The following EXOC2 variants were observed in gnomAD, a reference collection of about 807,000 sequenced individuals.
The protein encoded by EXOC2 is exocyst complex component 2.
A neutral mutation model predicts 131.8 loss-of-function variants in EXOC2; 70 were observed. The observed-to-expected ratio is 0.53, with a 90% CI of 0.44 to 0.65. The LOEUF is 0.65. EXOC2 is among the 30% of genes least tolerant of loss of function. The pLI is 0.00. For synonymous variants in EXOC2, 411 were observed against 398.4 expected (o/e 1.03, Z -0.38); for missense variants, 923 against 1,108.6 (o/e 0.83, Z 2.38).
chr6:614,375 T>C (rs1747586), intron 6 of EXOC2, among the ~76,000 whole-genome samples: 18 of 152,206 alleles, frequency 1.2e-4, no homozygotes, highest in African/African-American at 4.1e-4. Flanking sequence ...CATGTGTGTG[T>C]CACGGACTGT....
intron 21 of EXOC2, among the ~76,000 whole-genome samples, chr6:551,518 C>G (rs1394429054): frequency 6.6e-6 from 1 of 152,236 alleles, no homozygotes; most frequent in Non-Finnish European, 1.5e-5. Flanking sequence ...TGTGAGTCAG[C>G]TGAGAGCTGC....
rs543681271 is a variant in EXOC2, at chr6:691,495, AAAG to A, written c.-44+1521_-44+1523del. The stretch of plus-strand genomic sequence containing the variant: ...CCTTCATGATTCTCCACTTTCATTT[AAAG>A]AAGAGTAAATACATTTGTTGTGATT... On this transcript the variant is annotated intron_variant, in intron 1 of 27. Coordinates refer to ENST00000230449, the MANE Select transcript of EXOC2 (RefSeq NM_018303.6). Among the ~76,000 whole-genome samples the A allele has an allele frequency of 3.6e-3, 544 of 152,328 alleles. 1 individual carries two copies. Among genetic ancestry groups the A allele is most frequent in the Non-Finnish European group, 6.2e-3 (423 of 68,008 alleles).
Position 501,627 on chromosome 6 carries a change from A to ATC in EXOC2, c.2381-1929_2381-1928dup, listed in dbSNP as rs1270565701. Reference sequence around the variant, plus strand: ...TATATTATATATCTATATATTATATATCTATATATATCGATATATATAGAT... The same window carrying ATC: ...TATATTATATATCTATATATTATATATCTCTATATATATCGATATATATAGAT... On this transcript the variant is annotated intron_variant, in intron 23 of 27. Transcript: ENST00000230449. 7.3e-5 allele frequency among the ~76,000 whole-genome samples: 5 copies of ATC among 68,706 alleles called. 1 individual carries two copies. The highest frequency in any genetic ancestry group is 2.5e-4 in the African/African-American group (5 of 20,124). The allele number at this position is 68,706 out of a possible 152,430, so 45.1% of individuals were successfully genotyped here. A position where few individuals can be genotyped will look rare whatever the true frequency, so the allele number is the denominator to read the frequency against.
At chr6:499,887 AG>A (rs1248996876) in intron 23 of EXOC2, among the ~76,000 whole-genome samples, 187 bp from the exon 24 acceptor site, 6 of 152,204 alleles carry the variant, frequency 3.9e-5, no homozygotes, top group Non-Finnish European at 8.8e-5. Flanking sequence ...AGAAAAAAAA[AG>A]AAATGAGAAG....
chr6:533,799 G>A (rs753389481), intron 22 of EXOC2, among the ~76,000 whole-genome samples: 4 of 152,162 alleles, frequency 2.6e-5, no homozygotes, highest in African/African-American at 9.7e-5. Flanking sequence ...GCTGGTGGCC[G>A]TTCTGCTTCT....
At chr6:559,419 T>G (rs528688281) in intron 17 of EXOC2, among the ~76,000 whole-genome samples, 1 of 152,280 alleles carries the variant, frequency 6.6e-6, no homozygotes, top group African/African-American at 2.4e-5. Flanking sequence ...CCACGCGGAA[T>G]AGCTAAAAAA....
At chr6:621,737 C>A (rs1761304182) in intron 4 of EXOC2, among the ~76,000 whole-genome samples, 1 of 152,042 alleles carries the variant, frequency 6.6e-6, no homozygotes, top group African/African-American at 2.4e-5. Context: ...ATGCATGTGG[C>A]ATTCATTACT....
At chr6:650,573 C>T (rs1347600597) in intron 1 of EXOC2, among the ~76,000 whole-genome samples, 2 of 152,128 alleles carry the variant, frequency 1.3e-5, no homozygotes, top group East Asian at 3.9e-4. Flanking sequence ...ATATTATAGG[C>T]AACGTATCTC....
At chr6:548,355 C>T (rs1037802384) in intron 22 of EXOC2, among the ~76,000 whole-genome samples, 3 of 152,134 alleles carry the variant, frequency 2.0e-5, no homozygotes, top group Admixed American at 6.5e-5. Flanking sequence ...AGATCATTAT[C>T]GTTCTCATTC....
rs1004719836 is a variant in EXOC2, at chr6:547,736, GA to G, written c.2238+1438del. ...TTTCAAAATATTCAAGACGGTCGAT[GA>G]AAAAAAAATCCAAATTCTGAGTGGG... On this transcript the variant is annotated intron_variant, in intron 22 of 27. Transcript: ENST00000230449. Among the ~76,000 whole-genome samples the G allele has an allele frequency of 1.4e-4, 21 of 151,258 alleles. 1 individual carries two copies. The highest frequency in any genetic ancestry group is 4.8e-4 in the African/African-American group (20 of 41,246).
intron 22 of EXOC2, among the ~76,000 whole-genome samples, chr6:541,706 C>T (rs1356500848): frequency 6.6e-6 from 1 of 152,014 alleles, no homozygotes; most frequent in African/African-American, 2.4e-5. Context: ...GGGCAAAGTC[C>T]TAGAAAAATA....
intron 1 of EXOC2, chr6:656,827 A>G (rs189697932): frequency 1.7e-5 from 28 of 1,610,278 alleles, no homozygotes; most frequent in African/African-American, 2.7e-5. Context: ...GGGCCGAAGC[A>G]CAGGCTGTCA....
intron 22 of EXOC2, among the ~76,000 whole-genome samples, chr6:546,140 A>G (rs910178575): frequency 3.9e-5 from 6 of 151,976 alleles, no homozygotes; most frequent in South Asian, 2.1e-4. Flanking sequence ...AGACTTCCCA[A>G]TATTTTTTCT....
At chr6:508,225 C>T (rs778637683) in intron 23 of EXOC2, among the ~76,000 whole-genome samples, 3 of 152,182 alleles carry the variant, frequency 2.0e-5, no homozygotes, top group Non-Finnish European at 2.9e-5. Context: ...CCACCACATA[C>T]ACACGGCCGC....
At chr6:667,963 G>T (rs966317381) in intron 1 of EXOC2, among the ~76,000 whole-genome samples, 1 of 151,832 alleles carries the variant, frequency 6.6e-6, no homozygotes, top group Non-Finnish European at 1.5e-5. Context: ...AATACACTGG[G>T]TTTTTTTCTT....
chr6:547,573 G>A (rs759737224), intron 22 of EXOC2, among the ~76,000 whole-genome samples: 2 of 152,214 alleles, frequency 1.3e-5, no homozygotes, highest in Non-Finnish European at 2.9e-5. Flanking sequence ...AGAGTCAGCA[G>A]ACCTTTCCCT....
At chr6:578,725 G>A (rs1308172478) in intron 11 of EXOC2, among the ~76,000 whole-genome samples, 1 of 152,022 alleles carries the variant, frequency 6.6e-6, no homozygotes, top group South Asian at 2.1e-4. Context: ...AAATATTAAA[G>A]CTAAGATAAG....
chr6:555,096 A>AG (rs1309826020), intron 20 of EXOC2, 131 bp downstream of exon 20: 6 of 454,666 alleles, frequency 1.3e-5, no homozygotes, highest in Non-Finnish European at 2.3e-5. Flanking sequence ...ATAAAAAAAA[A>AG]CTATTACTTC....
At chr6:558,989 C>T (rs542791675) in intron 17 of EXOC2, among the ~76,000 whole-genome samples, 25 of 151,984 alleles carry the variant, frequency 1.6e-4, no homozygotes, top group African/African-American at 3.9e-4. Flanking sequence ...TCAGTTGAAC[C>T]GGGAGTAGGT....
Sources: gnomAD v4.1 joint callset for allele counts (sites outside exome capture counted in the v4.1 genomes callset) on GRCh38, gnomAD v4.1.1 for gene constraint, MANE v1.5 for transcripts, NCBI Gene and HGNC (gene_info 2026-07-23, HGNC 2026-07-21) for gene names.